The following NRXN1 variants were observed in gnomAD, a reference collection of about 807,000 sequenced individuals.
NRXN1 encodes neurexin 1, also known as neurexin-1.
A neutral mutation model predicts 150.9 loss-of-function variants in NRXN1; 39 were observed. The ratio of observed to expected loss-of-function variants is 0.26; its 90% confidence interval spans 0.20 to 0.34. NRXN1 has a LOEUF of 0.34. NRXN1 is among the 10% of genes least tolerant of loss of function. The pLI, the probability that NRXN1 is intolerant of heterozygous loss-of-function variation, is 1.00. For missense variants in NRXN1, 1,815 were observed against 1,949.9 expected, an observed-to-expected ratio of 0.93 and a Z score of 1.30; for synonymous variants, 924 against 757.0, an observed-to-expected ratio of 1.22 and a Z score of -3.62.
At chr2:50,580,630 A>G (rs560426682) in intron 8 of NRXN1, among the ~76,000 whole-genome samples, 1 of 152,316 alleles carries the variant, frequency 6.6e-6, no homozygotes, top group South Asian at 2.1e-4. Flanking sequence ...GGAAGGTTGG[A>G]AGAAAGTAGA....
rs138153211 is a variant in NRXN1 at position 50,699,295 on chromosome 2, C to T, written c.833-75680G>A. The stretch of plus-strand genomic sequence containing the variant: ...CCACCCAAGGTAGACAGAATCCTCA[C>T]CACCACCAGCAAAGAAGTCCAAATC... On this transcript the variant is annotated intron_variant, in intron 5 of 22. Coordinates refer to ENST00000401669, the MANE Select transcript of NRXN1 (RefSeq NM_001330078.2). Among the ~76,000 whole-genome samples the T allele has an allele frequency of 1.8e-4, 28 of 152,312 alleles. 2 individuals are homozygous for T. Among genetic ancestry groups the T allele is most frequent in the African/African-American group, 6.5e-4 (27 of 41,572 alleles).
At chr2:50,684,899 G>A (rs889955227) in intron 5 of NRXN1, among the ~76,000 whole-genome samples, 2 of 151,982 alleles carry the variant, frequency 1.3e-5, no homozygotes, top group Non-Finnish European at 2.9e-5. Flanking sequence ...AAGAGTACTG[G>A]GAATATCATC....
At chr2:50,184,389 T>A (rs545878168) in intron 18 of NRXN1, among the ~76,000 whole-genome samples, 2 of 152,054 alleles carry the variant, frequency 1.3e-5, no homozygotes, top group Non-Finnish European at 2.9e-5. Flanking sequence ...TTTTATTTAA[T>A]ATCAATTTAC....
At chr2:50,122,821 G>A (rs59785759) in intron 18 of NRXN1, among the ~76,000 whole-genome samples, 2,054 of 152,210 alleles carry the variant, frequency 0.013, 59 homozygotes, top group African/African-American at 0.047. Context: ...CTAGTTATGC[G>A]ATTCCCAGCT....
At chr2:50,560,187 T>C (rs1253946497) in intron 8 of NRXN1, among the ~76,000 whole-genome samples, 1 of 152,150 alleles carries the variant, frequency 6.6e-6, no homozygotes, top group Admixed American at 6.6e-5. Context: ...TAGGACATGA[T>C]TCTAGCAAAA....
At chr2:50,003,023 G>A (rs141693071) in intron 21 of NRXN1, among the ~76,000 whole-genome samples, 215 of 152,158 alleles carry the variant, frequency 1.4e-3, no homozygotes, top group African/African-American at 4.9e-3. Context: ...TTTAGAGTCT[G>A]GGCCAAAAGA....
intron 18 of NRXN1, among the ~76,000 whole-genome samples, chr2:50,124,766 CA>C (rs1435876555): frequency 6.6e-6 from 1 of 152,084 alleles, no homozygotes; most frequent in African/African-American, 2.4e-5. Context: ...ATAATTTCAT[CA>C]GTAAATATAT....
intron 17 of NRXN1, among the ~76,000 whole-genome samples, chr2:50,285,426 A>C (rs901218008): frequency 1.2e-4 from 18 of 152,228 alleles, no homozygotes; most frequent in Middle Eastern, 3.4e-3. Flanking sequence ...ACAACCCCCC[A>C]CACACACTCA....
At chr2:50,704,530 T>C (rs1009419374) in intron 5 of NRXN1, among the ~76,000 whole-genome samples, 1 of 151,756 alleles carries the variant, frequency 6.6e-6, no homozygotes, top group African/African-American at 2.4e-5. Flanking sequence ...AATTGATAAA[T>C]AATGGTTTCA....
intron 8 of NRXN1, among the ~76,000 whole-genome samples, chr2:50,596,042 G>C (rs1294836235): frequency 6.6e-6 from 1 of 152,146 alleles, no homozygotes; most frequent in East Asian, 1.9e-4. Context: ...AGAGTAGACT[G>C]GTTTCATGTT....
At chr2:50,111,316 G>A (rs1456669900) in intron 18 of NRXN1, among the ~76,000 whole-genome samples, 1 of 152,104 alleles carries the variant, frequency 6.6e-6, no homozygotes, top group Non-Finnish European at 1.5e-5. Flanking sequence ...AGTTCTCAAA[G>A]CAGCCTATTC....
intron 18 of NRXN1, among the ~76,000 whole-genome samples, chr2:50,152,969 G>GA (rs2058781040): frequency 6.6e-6 from 1 of 151,386 alleles, no homozygotes; most frequent in African/African-American, 2.4e-5. Flanking sequence ...TCATTTGTTT[G>GA]ATGGTGTTCT....
At chr2:50,846,604 G>C (rs908773289) in intron 5 of NRXN1, among the ~76,000 whole-genome samples, 2 of 152,084 alleles carry the variant, frequency 1.3e-5, no homozygotes, top group African/African-American at 4.8e-5. Flanking sequence ...AAATAGCATA[G>C]ACCAACAAAA....
At chr2:50,998,663 A>G (rs1699635097) in intron 2 of NRXN1, among the ~76,000 whole-genome samples, 1 of 152,056 alleles carries the variant, frequency 6.6e-6, no homozygotes, top group Admixed American at 6.6e-5. Context: ...AAAACTATTA[A>G]TGTTAGGATT....
intron 18 of NRXN1, among the ~76,000 whole-genome samples, chr2:50,133,085 G>C (rs1463356719): frequency 6.6e-6 from 1 of 152,124 alleles, no homozygotes; most frequent in Non-Finnish European, 1.5e-5. Context: ...CAAAAGTGTA[G>C]GTGCTATTCT....
At chr2:50,072,476 C>T (rs1401496332) in intron 19 of NRXN1, among the ~76,000 whole-genome samples, 2 of 148,516 alleles carry the variant, frequency 1.3e-5, no homozygotes, top group African/African-American at 5.0e-5. Flanking sequence ...TACCAAAGGA[C>T]AAGCACATAT....
intron 18 of NRXN1, among the ~76,000 whole-genome samples, chr2:50,136,944 T>G (rs1347830247): frequency 2.0e-5 from 3 of 152,180 alleles, no homozygotes; most frequent in Non-Finnish European, 4.4e-5. Context: ...TCCCTTTAAC[T>G]TTGTTTATTG....
At chr2:50,352,884 G>C (rs2078526640) in intron 17 of NRXN1, among the ~76,000 whole-genome samples, 1 of 151,570 alleles carries the variant, frequency 6.6e-6, no homozygotes. Flanking sequence ...TTACAGAAAA[G>C]TCAGGTTTAT....
At chr2:50,020,167 T>G in intron 21 of NRXN1, among the ~76,000 whole-genome samples, 1 of 152,082 alleles carries the variant, frequency 6.6e-6, no homozygotes, top group Non-Finnish European at 1.5e-5. Context: ...AAATTACTTA[T>G]GATTTTGATT....
Sources: gnomAD v4.1 joint callset for allele counts (sites outside exome capture counted in the v4.1 genomes callset) on GRCh38, gnomAD v4.1.1 for gene constraint, MANE v1.5 for transcripts, NCBI Gene and HGNC (gene_info 2026-07-23, HGNC 2026-07-21) for gene names.